The following CSGALNACT1 variants were observed in gnomAD, a reference collection of about 807,000 sequenced individuals.
The protein encoded by CSGALNACT1 is beta4GalNAcT-1.
Under a neutral mutation model 51.0 loss-of-function variants are expected in CSGALNACT1, and 52 were observed. The ratio of observed to expected loss-of-function variants is 1.02; its 90% CI spans 0.82 to 1.29. CSGALNACT1 has a LOEUF of 1.29. Ranked by LOEUF, CSGALNACT1 falls within the 50% of genes most tolerant of loss-of-function variation. The pLI is 0.00. For synonymous variants in CSGALNACT1, 341 were observed against 254.4 expected (o/e 1.34, Z -3.24); for missense variants, 935 against 679.2 (o/e 1.38, Z -4.19).
rs7821153 is a variant in CSGALNACT1, at chr8:19,464,426, G to A, written c.635-5784C>T. Among the ~76,000 whole-genome samples, 1,127 of 152,212 alleles carry A rather than the reference G, an allele frequency of 7.4e-3. 10 individuals carry two copies. Among genetic ancestry groups the A allele is most frequent in the African/African-American group, 0.026 (1,062 of 41,532 alleles). On this transcript the variant is annotated intron_variant, in intron 4 of 9. Coordinates refer to ENST00000454498, the Ensembl canonical transcript of CSGALNACT1. ...CACAGTCCAGCCTTCAAGATGCTCC[G>A]TAATCAGGGCCCCACCTACTGTACT...
chr8:19,613,613 A>G (rs1237783145), intron 1 of CSGALNACT1, among the ~76,000 whole-genome samples: 1 of 152,242 alleles, frequency 6.6e-6, no homozygotes, highest in Admixed American at 6.5e-5. Context: ...ATTTTTAAAG[A>G]AATAAATTTT....
chr8:19,420,479 A>C, exon 7 of CSGALNACT1: 2 of 1,614,202 alleles, frequency 1.2e-6, no homozygotes, highest in Non-Finnish European at 1.7e-6. Context: ...AAAATTCTCC[A>C]TTCAGCTGGA....
Position 19,750,977 on chromosome 8 carries a change from C to T in CSGALNACT1, c.-297+6873G>A, listed in dbSNP as rs1589823277. ...TTGAGCTGCTAGAAAAAGCTACATA[C>T]ACAAACCTATACATTAAAAGTGCTG... is the stretch of plus-strand genomic sequence containing the variant. On this transcript the variant is annotated intron_variant, in intron 1 of 1. Transcript: ENST00000517494. Among the ~76,000 whole-genome samples the T allele has an allele frequency of 2.6e-5, 4 of 152,120 alleles. No individual in the cohort carries two copies. In the South Asian group the frequency reaches 8.3e-4, roughly 32 times the overall value.
chr8:19,747,838 A>G lies in CSGALNACT1; in HGVS notation c.-297+10012T>C, dbSNP rs182321395. Among the ~76,000 whole-genome samples, 36 of 152,280 alleles carry G rather than the reference A, an allele frequency of 2.4e-4. 1 individual carries two copies. Among genetic ancestry groups the G allele is most frequent in the Admixed American group, 1.6e-3 (24 of 15,304 alleles). On this transcript the variant is annotated intron_variant, in intron 1 of 1. Transcript: ENST00000517494. ...GTAAAAAAAAAAAGAAAAGAAAAAA[A>G]GAAAGATAAAGACTCAAACTCAGCT... is the stretch of plus-strand genomic sequence containing the variant.
chr8:19,597,702 G>A (rs1051542682), intron 2 of CSGALNACT1, among the ~76,000 whole-genome samples: 5 of 152,216 alleles, frequency 3.3e-5, no homozygotes, highest in African/African-American at 1.2e-4. Context: ...GATGTTAAAA[G>A]GAAGTAGGGG....
chr8:19,639,299 G>T (rs1459571884), intron 1 of CSGALNACT1, among the ~76,000 whole-genome samples: 1 of 152,210 alleles, frequency 6.6e-6, no homozygotes, highest in African/African-American at 2.4e-5. Flanking sequence ...TTTAAACAAT[G>T]AGAGACAAAC....
At chr8:19,735,972 C>T (rs1337356936) in intron 1 of CSGALNACT1, among the ~76,000 whole-genome samples, 1 of 152,226 alleles carries the variant, frequency 6.6e-6, no homozygotes, top group Admixed American at 6.5e-5. Flanking sequence ...CAATTTTCAA[C>T]ATTTGGTAAG....
intron 4 of CSGALNACT1, chr8:19,495,195 C>G (rs985908772): frequency 3.3e-5 from 5 of 152,132 alleles, no homozygotes. Flanking sequence ...TGTTCCCCTT[C>G]TTTAGGTAAA....
intron 3 of CSGALNACT1, among the ~76,000 whole-genome samples, chr8:19,516,830 G>A (rs1467057117): frequency 6.6e-6 from 1 of 152,198 alleles, no homozygotes; most frequent in African/African-American, 2.4e-5. Context: ...GCTGGAAGTG[G>A]CTGCTTTCTG....
intron 4 of CSGALNACT1, among the ~76,000 whole-genome samples, chr8:19,493,871 TACACACACACACACAC>T (rs57708862): frequency 5.4e-5 from 8 of 149,002 alleles, no homozygotes; most frequent in Admixed American, 2.0e-4. Context: ...TGTGTGTTTA[TACACACACACACACAC>T]ACACACACAC....
At chr8:19,493,781 T>C (rs888263852) in intron 4 of CSGALNACT1, among the ~76,000 whole-genome samples, 1 of 152,188 alleles carries the variant, frequency 6.6e-6, no homozygotes, top group African/African-American at 2.4e-5. Context: ...TTGGCTATTA[T>C]GAACAAAGCT....
At chr8:19,747,185 A>G (rs79861714) in intron 1 of CSGALNACT1, among the ~76,000 whole-genome samples, 4,514 of 152,244 alleles carry the variant, frequency 0.03, 91 homozygotes, top group Non-Finnish European at 0.043. Context: ...GGAAAAATGC[A>G]GTCCTGGTAC....
chr8:19,431,123 G>C (rs4403424), intron 6 of CSGALNACT1, among the ~76,000 whole-genome samples: 9,845 of 152,054 alleles, frequency 0.065, 320 homozygotes, highest in Middle Eastern at 0.088. Flanking sequence ...TCTGTGAATA[G>C]CATTTACTTT....
exon 10 of CSGALNACT1, chr8:19,404,624 T>TA (rs35704904): frequency 0.37 from 144,606 of 393,646 alleles, 22,125 homozygotes; most frequent in Middle Eastern, 0.41. Context: ...ATATATATAT[T>TA]TTTTTCTCCA....
At chr8:19,590,768 G>A (rs2047650545) in intron 3 of CSGALNACT1, among the ~76,000 whole-genome samples, 1 of 147,454 alleles carries the variant, frequency 6.8e-6, no homozygotes, top group African/African-American at 2.5e-5. Flanking sequence ...TCCTGCTTCA[G>A]CCTCTCATGT....
chr8:19,473,463 C>A (rs1048916327), intron 4 of CSGALNACT1, among the ~76,000 whole-genome samples: 1 of 152,216 alleles, frequency 6.6e-6, no homozygotes, highest in African/African-American at 2.4e-5. Flanking sequence ...CCCAGACACA[C>A]AGAGTCTCCT....
chr8:19,514,824 C>G (rs533611090), intron 3 of CSGALNACT1, among the ~76,000 whole-genome samples: 1 of 151,878 alleles, frequency 6.6e-6, no homozygotes, highest in East Asian at 1.9e-4. Context: ...CAGAGTGAAA[C>G]TCCGTCTCCA....
At chr8:19,417,040 G>C (rs1003924653) in intron 8 of CSGALNACT1, among the ~76,000 whole-genome samples, 2 of 151,948 alleles carry the variant, frequency 1.3e-5, no homozygotes, top group African/African-American at 2.4e-5. Context: ...TTTTTTAGTA[G>C]AGATGGGTTT....
rs180884652 is a variant in CSGALNACT1 at position 19,418,515 on chromosome 8, C to T, written c.1227+141G>A. Reference sequence around the variant, plus strand: ...ATCAACGAGGCGCCGGGAGCAGAGGCCAGCACATCTGCCAAACGTAAAAAC... The same window carrying T: ...ATCAACGAGGCGCCGGGAGCAGAGGTCAGCACATCTGCCAAACGTAAAAAC... On this transcript the variant is annotated intron_variant, in intron 8 of 9. Transcript: ENST00000454498. 20 of 715,368 alleles carry T rather than the reference C, an allele frequency of 2.8e-5. No individual in the cohort carries two copies. In the Admixed American group the frequency reaches 3.6e-4, roughly 13 times the overall value. 44.3% of individuals were successfully genotyped at this position (715,368 alleles called of 1,614,324 possible). A position where few individuals can be genotyped will look rare whatever the true frequency, so the allele number is the denominator to read the frequency against.
Sources: gnomAD v4.1 joint callset for allele counts (sites outside exome capture counted in the v4.1 genomes callset) on GRCh38, gnomAD v4.1.1 for gene constraint, MANE v1.5 for transcripts, NCBI Gene and HGNC (gene_info 2026-07-23, HGNC 2026-07-21) for gene names.